Variants in MARCHF3 observed in about 807,000 individuals in gnomAD.
The protein encoded by MARCHF3 is membrane associated ring-CH-type finger 3.
Under a neutral mutation model 24.2 loss-of-function variants are expected in MARCHF3, and 13 were observed. The observed-to-expected ratio is 0.54, with a 90% confidence interval of 0.35 to 0.85. The LOEUF (loss-of-function observed/expected upper bound fraction) is 0.85, where lower values mean the gene tolerates loss of function less well. MARCHF3 is among the 40% of genes least tolerant of loss of function. The pLI is 0.01. For synonymous variants in MARCHF3, 144 were observed against 137.3 expected (o/e 1.05, Z -0.34); for missense variants, 276 against 325.0 (o/e 0.85, Z 1.16).
chr5:126,890,254 C>T (rs1355180132), intron 3 of MARCHF3, among the ~76,000 whole-genome samples: 1 of 151,298 alleles, frequency 6.6e-6, no homozygotes, highest in African/African-American at 2.4e-5. Context: ...TCAGAAAAGA[C>T]ATACTTTTTT....
intron 1 of MARCHF3, among the ~76,000 whole-genome samples, chr5:126,993,459 TATC>T (rs58315725): frequency 0.014 from 2,058 of 152,296 alleles, 52 homozygotes; most frequent in African/African-American, 0.048. Flanking sequence ...TTTATGGAAA[TATC>T]ATCCTCTAAA....
At chr5:126,879,675 CAT>C (rs1428966563) in intron 3 of MARCHF3, among the ~76,000 whole-genome samples, 1 of 152,210 alleles carries the variant, frequency 6.6e-6, no homozygotes, top group Non-Finnish European at 1.5e-5. Context: ...TGTCAATTCA[CAT>C]GAGTAATGAG....
intron 1 of MARCHF3, among the ~76,000 whole-genome samples, chr5:127,018,874 T>C (rs749143311): frequency 6.6e-6 from 1 of 152,198 alleles, no homozygotes; most frequent in Non-Finnish European, 1.5e-5. Context: ...TAGCTCCTCT[T>C]GGATGCTAAA....
At chr5:126,883,072 T>C (rs1415529714) in intron 3 of MARCHF3, among the ~76,000 whole-genome samples, 1 of 152,212 alleles carries the variant, frequency 6.6e-6, no homozygotes, top group Non-Finnish European at 1.5e-5. Context: ...AGAAGGAATA[T>C]TTACTTATTG....
chr5:126,915,982 C>T (rs1754714814), intron 2 of MARCHF3, among the ~76,000 whole-genome samples: 1 of 152,172 alleles, frequency 6.6e-6, no homozygotes, highest in Non-Finnish European at 1.5e-5. Context: ...AAAAATGGTG[C>T]CTTCTTCATA....
rs559854600 is a variant in MARCHF3 at position 127,028,150 on chromosome 5, T to A, written c.-57+2200A>T. On this transcript the variant is annotated intron_variant, in intron 1 of 4. Transcript: ENST00000308660. ...CTTGTGATAAGCCCTTAAAAACCAT[T>A]CAGTTTATTCCGCCCATATATAATG... Among the ~76,000 whole-genome samples, 6 of 145,308 alleles carry A rather than the reference T, an allele frequency of 4.1e-5. No individual in the cohort carries two copies. In the South Asian group the frequency reaches 1.3e-3, roughly 31 times the overall value.
chr5:126,894,198 T>C (rs1434238067), intron 3 of MARCHF3, among the ~76,000 whole-genome samples: 1 of 133,518 alleles, frequency 7.5e-6, no homozygotes, highest in Non-Finnish European at 1.5e-5. Flanking sequence ...GCATGTGAGA[T>C]GGGTTTCCTG....
chr5:126,871,533 T>C (rs985166942), intron 4 of MARCHF3, among the ~76,000 whole-genome samples: 11 of 152,232 alleles, frequency 7.2e-5, no homozygotes, highest in African/African-American at 2.4e-4. Context: ...TCTCTCCCCC[T>C]GCACTAGAAG....
In MARCHF3 at chr5:126,880,048, C is replaced by A. The variant is rs565248475; in HGVS notation, c.394-1654G>T. On this transcript the variant is annotated intron_variant, in intron 3 of 4. Transcript: ENST00000308660. ...ATGGGTGAGACAAGAGTGGGTGGGG[C>A]TGACAGGAGAGGGAGGGGAAGGCCA... Among the ~76,000 whole-genome samples, 5 of 152,008 alleles carry A rather than the reference C, an allele frequency of 3.3e-5. No homozygotes were observed. The South Asian group carries it at 1.0e-3, about 32-fold the overall frequency.
chr5:127,029,149 C>CCAAG (rs1364457718), intron 1 of MARCHF3, among the ~76,000 whole-genome samples: 6 of 152,174 alleles, frequency 3.9e-5, no homozygotes, highest in Non-Finnish European at 7.3e-5. Context: ...TCTCTGTGAC[C>CCAAG]CAAGGGAAGT....
intron 1 of MARCHF3, among the ~76,000 whole-genome samples, chr5:126,919,674 T>G (rs1749033357): frequency 6.6e-6 from 1 of 152,204 alleles, no homozygotes; most frequent in African/African-American, 2.4e-5. Context: ...AACTGACAGT[T>G]TCCCTCCCGA....
chr5:126,878,682 G>A (rs563526892), intron 3 of MARCHF3, among the ~76,000 whole-genome samples: 85 of 152,328 alleles, frequency 5.6e-4, no homozygotes, highest in Middle Eastern at 3.4e-3. Flanking sequence ...GATCCCATGT[G>A]GAAGGAAGAG....
intron 1 of MARCHF3, among the ~76,000 whole-genome samples, chr5:126,965,971 G>A (rs947142471): frequency 2.0e-5 from 3 of 152,070 alleles, no homozygotes; most frequent in Non-Finnish European, 2.9e-5. Flanking sequence ...AATAATTTGT[G>A]GTATATTGAT....
chr5:126,934,572 A>T (rs1749579807), intron 1 of MARCHF3, among the ~76,000 whole-genome samples: 1 of 152,108 alleles, frequency 6.6e-6, no homozygotes, highest in Non-Finnish European at 1.5e-5. Flanking sequence ...AATGGCTTGC[A>T]AGCATCTCTA....
intron 4 of MARCHF3, among the ~76,000 whole-genome samples, chr5:126,871,235 C>G (rs1418423201): frequency 6.6e-6 from 1 of 152,178 alleles, no homozygotes; most frequent in African/African-American, 2.4e-5. Flanking sequence ...AAGTTAGACC[C>G]TGCACAACTC....
chr5:126,922,795 C>G (rs1199599475), intron 1 of MARCHF3, among the ~76,000 whole-genome samples: 1 of 152,126 alleles, frequency 6.6e-6, no homozygotes, highest in East Asian at 1.9e-4. Context: ...ATCCGCCCAC[C>G]TCGGCCTCCC....
intron 3 of MARCHF3, among the ~76,000 whole-genome samples, chr5:126,887,495 A>AGTGT (rs920964925): frequency 8.7e-4 from 132 of 152,346 alleles, no homozygotes; most frequent in African/African-American, 2.9e-3. Context: ...TTATATTACA[A>AGTGT]GTGTGTCTTT....
chr5:126,977,081 C>T (rs1017183144), intron 1 of MARCHF3, among the ~76,000 whole-genome samples: 8 of 152,186 alleles, frequency 5.3e-5, no homozygotes, highest in African/African-American at 9.7e-5. Flanking sequence ...ATAATCAGCA[C>T]GTACATGACT....
chr5:126,967,324 C>A (rs1055725226), intron 1 of MARCHF3, among the ~76,000 whole-genome samples: 1 of 152,032 alleles, frequency 6.6e-6, no homozygotes, highest in South Asian at 2.1e-4. Flanking sequence ...AAAATATGTG[C>A]GTGTCTGAAC....
Sources: allele counts gnomAD v4.1 joint callset (sites outside exome capture counted in the v4.1 genomes callset), GRCh38; gene constraint gnomAD v4.1.1; transcripts MANE v1.5; gene names NCBI Gene and HGNC (gene_info 2026-07-23, HGNC 2026-07-21).